The following CACNA2D2 variants were observed in gnomAD, a reference collection of about 807,000 sequenced individuals.
The protein encoded by CACNA2D2 is voltage-dependent calcium channel subunit alpha-2/delta-2.
In CACNA2D2, 48 loss-of-function variants were observed where a neutral mutation model predicts 166.4. That is an observed-to-expected ratio of 0.29 (90% CI 0.23 to 0.37). The LOEUF is 0.37. Among genes scored for constraint, CACNA2D2 ranks in the 10% least tolerant of loss-of-function variants. The pLI is 1.00. For synonymous variants in CACNA2D2, 561 were observed against 573.7 expected, an observed-to-expected ratio of 0.98 and a Z score of 0.32; for missense variants, 1,122 against 1,433.0, an observed-to-expected ratio of 0.78 and a Z score of 3.50.
At chr3:50,408,409 G>A (rs1205492360) in intron 3 of CACNA2D2, among the ~76,000 whole-genome samples, 1 of 152,206 alleles carries the variant, frequency 6.6e-6, no homozygotes, top group Non-Finnish European at 1.5e-5. Context: ...ACAAAGCCAA[G>A]CACTGGTTGG....
chr3:50,452,493 T>C (rs1457443987), intron 2 of CACNA2D2, among the ~76,000 whole-genome samples: 4 of 152,158 alleles, frequency 2.6e-5, no homozygotes, highest in African/African-American at 9.7e-5. Context: ...ATGTGATGGA[T>C]GTAACTGCTC....
intron 23 of CACNA2D2, 61 bp from the exon 24 acceptor site, chr3:50,368,296 A>G (rs1016205641): frequency 9.4e-7 from 1 of 1,059,044 alleles, no homozygotes; most frequent in Non-Finnish European, 1.5e-6. Context: ...AATGGGGTCA[A>G]GGCTTCCCAA....
Position 50,366,174 on chromosome 3 carries a change from C to T in CACNA2D2, c.2710-11G>A. 2.5e-6 allele frequency: 4 copies of T among 1,613,900 alleles called. No individual in the cohort carries two copies. The highest frequency in any genetic ancestry group is 3.4e-6 in the Non-Finnish European group (4 of 1,179,904). On this transcript the variant is annotated splice_polypyrimidine_tract_variant and intron_variant, in intron 31 of 37. Coordinates refer to ENST00000424201, the MANE Select transcript of CACNA2D2 (RefSeq NM_006030.4). The surrounding 1 kb of genome is among the most constrained non-coding windows in gnomAD (Gnocchi z 5.9). ...GAAGAACCTGCCCACCTGAGGATGT[C>T]AGGAGAAAGCCATGGTCACAGGGCT...
At chr3:50,483,323 G>T (rs1698134398) in intron 1 of CACNA2D2, among the ~76,000 whole-genome samples, 1 of 152,232 alleles carries the variant, frequency 6.6e-6, no homozygotes. Context: ...AGACCCTGAG[G>T]AGCTGGGGAG....
intron 2 of CACNA2D2, among the ~76,000 whole-genome samples, chr3:50,452,314 T>A (rs978698490): frequency 6.6e-6 from 1 of 152,168 alleles, no homozygotes; most frequent in South Asian, 2.1e-4. Flanking sequence ...CCAAGAGTAC[T>A]CTCCAGTAAA....
Position 50,367,822 on chromosome 3 carries a change from C to T in CACNA2D2, c.2224G>A (p.Asp742Asn). ...QLVERVWRDQ[D>N]LNTYSLLAVF... ...CTGGGTGATGCCTACGTGTTGAGAT[C>T]CTGGTCCCTCCACACACGCTCTACC... Residue 742 changes from aspartate (D) to asparagine (N), a missense_variant, in exon 25 of 38, where the codon GAT (aspartate) becomes AAT (asparagine). Coordinates refer to ENST00000424201, the MANE Select transcript of CACNA2D2 (RefSeq NM_006030.4). The surrounding 1 kb of genome is among the most constrained non-coding windows in gnomAD (Gnocchi z 6.5). 6.2e-7 allele frequency: 1 copy of T among 1,613,388 alleles called. No individual in the cohort carries two copies. The highest frequency in any genetic ancestry group is 8.5e-7 in the Non-Finnish European group (1 of 1,179,746).
At chr3:50,446,088 A>G (rs1559956453) in intron 2 of CACNA2D2, among the ~76,000 whole-genome samples, 1 of 151,900 alleles carries the variant, frequency 6.6e-6, no homozygotes, top group Non-Finnish European at 1.5e-5. Flanking sequence ...ACTGGCAAAC[A>G]CCATGAGGGC....
chr3:50,489,411 G>A (rs1044951321), intron 1 of CACNA2D2, among the ~76,000 whole-genome samples: 3 of 152,192 alleles, frequency 2.0e-5, no homozygotes, highest in Admixed American at 6.5e-5. Flanking sequence ...AGGCTTAATG[G>A]CCTTTGGGAT....
intron 23 of CACNA2D2, among the ~76,000 whole-genome samples, chr3:50,369,253 T>A (rs1230386312): frequency 1.3e-5 from 2 of 152,206 alleles, no homozygotes; most frequent in Non-Finnish European, 2.9e-5. Context: ...ACGTGCACAT[T>A]TGTGAGGTAC....
At chr3:50,461,230 A>T (rs1709570401) in intron 2 of CACNA2D2, among the ~76,000 whole-genome samples, 1 of 152,232 alleles carries the variant, frequency 6.6e-6, no homozygotes, top group Non-Finnish European at 1.5e-5. Flanking sequence ...TGTACAATGG[A>T]TCGGGAATCT....
chr3:50,403,211 T>C (rs1460239315), intron 3 of CACNA2D2, among the ~76,000 whole-genome samples: 2 of 152,182 alleles, frequency 1.3e-5, no homozygotes, highest in African/African-American at 4.8e-5. Flanking sequence ...AGGATGTGGA[T>C]GGAGAGCAGG....
At chr3:50,483,545 C>T (rs899525201) in intron 1 of CACNA2D2, among the ~76,000 whole-genome samples, 1 of 152,198 alleles carries the variant, frequency 6.6e-6, no homozygotes, top group Admixed American at 6.5e-5. Flanking sequence ...TAACAGTGAG[C>T]CATCATCCGG....
chr3:50,432,298 T>A (rs1205708151), intron 3 of CACNA2D2, among the ~76,000 whole-genome samples: 1 of 151,868 alleles, frequency 6.6e-6, no homozygotes, highest in Non-Finnish European at 1.5e-5. Context: ...GGAGGGTGGG[T>A]CAGGCGTCTT....
chr3:50,486,959 G>A (rs746930750), intron 1 of CACNA2D2, among the ~76,000 whole-genome samples: 13 of 152,364 alleles, frequency 8.5e-5, no homozygotes, highest in Middle Eastern at 3.4e-3. Context: ...AAGCACCAGG[G>A]AAAGGCAATG....
intron 5 of CACNA2D2, among the ~76,000 whole-genome samples, chr3:50,385,793 G>A (rs1033470980): frequency 6.6e-6 from 1 of 152,200 alleles, no homozygotes; most frequent in African/African-American, 2.4e-5. Flanking sequence ...TGAGGCGTGC[G>A]CCACTCACGT....
chr3:50,394,038 A>AC lies in CACNA2D2; in HGVS notation c.465+70dup, dbSNP rs1173511220. 1.2e-5 allele frequency: 17 copies of AC among 1,410,628 alleles called. No individual in the cohort carries two copies. In the Admixed American group the frequency reaches 1.9e-4, roughly 16 times the overall value. 87.4% of individuals were successfully genotyped at this position (1,410,628 alleles called of 1,614,324 possible). A position where few individuals can be genotyped will look rare whatever the true frequency, so the allele number is the denominator to read the frequency against. On this transcript the variant is annotated intron_variant, in intron 4 of 37. Coordinates refer to ENST00000424201, the MANE Select transcript of CACNA2D2 (RefSeq NM_006030.4). ...TCCCTCATGTGTCTGGGCAGCTCCC[A>AC]CCCCCCAGCATTCAAATCCACGCAT...
intron 3 of CACNA2D2, among the ~76,000 whole-genome samples, chr3:50,423,467 A>G (rs922963526): frequency 1.9e-4 from 29 of 152,206 alleles, no homozygotes. Context: ...CCCATTGCCT[A>G]GGGCTGCCCC....
rs768136232 is a variant in CACNA2D2, at chr3:50,367,795, G to C, written c.2234+17C>G. 2.8e-5 allele frequency: 45 copies of C among 1,612,956 alleles called. No homozygotes were observed. Among genetic ancestry groups the C allele is most frequent in the African/African-American group, 5.3e-5 (4 of 74,908 alleles). ...CCCATCCTAGCCTTCTGCCCCCACA[G>C]GCTGGGTGATGCCTACGTGTTGAGA... On this transcript the variant is annotated intron_variant, in intron 25 of 37. Transcript: ENST00000424201. This position sits in a 1 kb window ranked among gnomAD's most constrained non-coding sequence, Gnocchi z 6.5.
At chr3:50,422,955 C>G (rs977417482) in intron 3 of CACNA2D2, among the ~76,000 whole-genome samples, 2 of 152,230 alleles carry the variant, frequency 1.3e-5, no homozygotes, top group Admixed American at 6.5e-5. Context: ...AGTGGTGGAG[C>G]AGCGTTGGCT....
Sources: allele counts gnomAD v4.1 joint callset (sites outside exome capture counted in the v4.1 genomes callset), GRCh38; gene constraint gnomAD v4.1.1; non-coding constraint Gnocchi (gnomAD v3.1); transcripts MANE v1.5; gene names NCBI Gene and HGNC (gene_info 2026-07-23, HGNC 2026-07-21).